Variants in UBASH3B observed in about 807,000 individuals in gnomAD.
The protein encoded by UBASH3B is ubiquitin associated and SH3 domain containing B, also known as ubiquitin-associated and SH3 domain-containing protein B.
A neutral mutation model predicts 83.4 loss-of-function variants in UBASH3B; 37 were observed. That is an observed-to-expected ratio of 0.44 (90% confidence interval 0.34 to 0.58). The LOEUF (loss-of-function observed/expected upper bound fraction) is 0.58. Ranked by LOEUF, UBASH3B falls within the 20% of genes least tolerant of loss-of-function variation. The pLI is 0.01. For missense variants in UBASH3B, 657 were observed against 827.2 expected, an observed-to-expected ratio of 0.79 and a Z score of 2.52; for synonymous variants, 304 against 318.3, an observed-to-expected ratio of 0.96 and a Z score of 0.48.
At chr11:122,731,993 G>A (rs1264020218) in intron 1 of UBASH3B, among the ~76,000 whole-genome samples, 4 of 133,058 alleles carry the variant, frequency 3.0e-5, no homozygotes, top group South Asian at 2.5e-4. Flanking sequence ...CTCCCACCCC[G>A]ACGACACACA....
At chr11:122,744,569 GGTGTGTGACT>G (rs573099912) in intron 1 of UBASH3B, among the ~76,000 whole-genome samples, 150 of 151,958 alleles carry the variant, frequency 9.9e-4, no homozygotes, top group African/African-American at 3.2e-3. Context: ...TGCCTGTGTG[GGTGTGTGACT>G]GTGTGTGACT....
chr11:122,805,888 C>A (rs1861332480), intron 11 of UBASH3B, among the ~76,000 whole-genome samples: 1 of 152,332 alleles, frequency 6.6e-6, no homozygotes, highest in East Asian at 1.9e-4. Context: ...CATCTTTATG[C>A]TTTGCACTTC....
rs1861437982 is a variant in UBASH3B, at chr11:122,811,038, A to C, written c.*1152A>C. 6.6e-6 allele frequency: 1 copy of C among 152,504 alleles called. No individual in the cohort carries two copies. Among genetic ancestry groups the C allele is most frequent in the African/African-American group, 2.4e-5 (1 of 41,434 alleles). The allele number at this position is 152,504 out of a possible 1,614,324, so 9.4% of individuals were successfully genotyped here. A position where few individuals can be genotyped will look rare whatever the true frequency, so the allele number is the denominator to read the frequency against. On this transcript the variant is annotated 3_prime_UTR_variant, in exon 14 of 14. Coordinates refer to ENST00000284273, the MANE Select transcript of UBASH3B (RefSeq NM_032873.5). ...CTGTCGTTTTGTTTGTTTTTCTATG[A>C]TAATTTAAAATACATAGGTAGGGCT...
intron 1 of UBASH3B, among the ~76,000 whole-genome samples, chr11:122,677,487 C>T (rs911068808): frequency 2.0e-5 from 3 of 152,132 alleles, no homozygotes; most frequent in Non-Finnish European, 4.4e-5. Context: ...TGATGCCGTG[C>T]CTCTGGTGGA....
intron 1 of UBASH3B, among the ~76,000 whole-genome samples, chr11:122,678,083 C>T (rs775111226): frequency 2.7e-4 from 41 of 152,232 alleles, no homozygotes; most frequent in Non-Finnish European, 5.3e-4. Flanking sequence ...GAGCCAAGGG[C>T]ACTAATCTCA....
chr11:122,801,727 C>T (rs1194451225), intron 11 of UBASH3B, among the ~76,000 whole-genome samples: 1 of 152,154 alleles, frequency 6.6e-6, no homozygotes, highest in Non-Finnish European at 1.5e-5. Context: ...ATTTTTAAAT[C>T]TCTGTATTAT....
At chr11:122,803,375 C>G (rs982610012) in intron 11 of UBASH3B, among the ~76,000 whole-genome samples, 1 of 152,074 alleles carries the variant, frequency 6.6e-6, no homozygotes, top group Non-Finnish European at 1.5e-5. Flanking sequence ...CCCTGAGAGC[C>G]GGGGTAGTGT....
At chr11:122,725,064 G>A (rs868231725) in intron 1 of UBASH3B, among the ~76,000 whole-genome samples, 1 of 9,822 alleles carries the variant, frequency 1.0e-4, no homozygotes, top group Non-Finnish European at 2.2e-4. Flanking sequence ...CCCACCCCCC[G>A]ATTCAATCAA....
Position 122,798,923 on chromosome 11 carries a change from T to G in UBASH3B, c.1358-19T>G, listed in dbSNP as rs1309223561. 22 of 1,611,688 alleles carry G rather than the reference T, an allele frequency of 1.4e-5. 1 individual carries two copies. Among genetic ancestry groups the G allele is most frequent in the African/African-American group, 1.3e-4 (10 of 74,948 alleles). Reference sequence around the variant, plus strand: ...TGAGTAAATCCATCAGACTGATTTTTTTGTGGTTTTCTTTGCAGGTGAAGC... The same window carrying G: ...TGAGTAAATCCATCAGACTGATTTTGTTGTGGTTTTCTTTGCAGGTGAAGC... On this transcript the variant is annotated intron_variant, in intron 9 of 13. Transcript: ENST00000284273.
At chr11:122,728,874 G>C (rs1162890361) in intron 1 of UBASH3B, among the ~76,000 whole-genome samples, 1 of 152,192 alleles carries the variant, frequency 6.6e-6, no homozygotes, top group Non-Finnish European at 1.5e-5. Context: ...CAGAGCTAGA[G>C]GGTCTTAGGG....
In UBASH3B at chr11:122,777,307, GC is replaced by G. The variant is rs918603428; in HGVS notation, c.402+98del. 5 of 1,329,976 alleles carry G rather than the reference GC, an allele frequency of 3.8e-6. No homozygotes were observed. In the African/African-American group the frequency reaches 7.4e-5, roughly 20 times the overall value. The allele number at this position is 1,329,976 out of a possible 1,614,324, so 82.4% of individuals were successfully genotyped here. On this transcript the variant is annotated intron_variant, in intron 3 of 13. Coordinates refer to ENST00000284273, the MANE Select transcript of UBASH3B (RefSeq NM_032873.5). Reference sequence around the variant, plus strand: ...CAAAGGGAGGCCTCGCAGGAAGACAGCAGGAATAGTCACAGGCTCCTACAGC... The same window carrying G: ...CAAAGGGAGGCCTCGCAGGAAGACAGAGGAATAGTCACAGGCTCCTACAGC...
At chr11:122,680,711 C>A (rs1227494843) in intron 1 of UBASH3B, among the ~76,000 whole-genome samples, 1 of 152,220 alleles carries the variant, frequency 6.6e-6, no homozygotes, top group Admixed American at 6.5e-5. Flanking sequence ...GATCCACCCG[C>A]CTCAGCCTCC....
chr11:122,656,378 C>T (rs1863363628), intron 1 of UBASH3B, among the ~76,000 whole-genome samples, 168 bp downstream of exon 1: 1 of 152,100 alleles, frequency 6.6e-6, no homozygotes, highest in African/African-American at 2.4e-5. Context: ...GACTCGGCTC[C>T]GGGCGGGGGT....
chr11:122,671,149 T>C (rs943420554), intron 1 of UBASH3B, among the ~76,000 whole-genome samples: 1 of 152,160 alleles, frequency 6.6e-6, no homozygotes, highest in Non-Finnish European at 1.5e-5. Context: ...CTTAGGAGTG[T>C]GGCGCTCCTC....
At chr11:122,671,491 G>A (rs1863592544) in intron 1 of UBASH3B, among the ~76,000 whole-genome samples, 1 of 152,226 alleles carries the variant, frequency 6.6e-6, no homozygotes, top group Non-Finnish European at 1.5e-5. Context: ...CAGGTTGGAG[G>A]AGAATATTTG....
chr11:122,672,593 T>C (rs1863612419), intron 1 of UBASH3B, among the ~76,000 whole-genome samples: 3 of 152,174 alleles, frequency 2.0e-5, no homozygotes, highest in African/African-American at 7.2e-5. Context: ...CCCAAAGTGC[T>C]GGGATTACAG....
At position 122,758,177 on chromosome 11, in the gene UBASH3B, G is replaced by C. The variant is rs998787642; in HGVS notation, c.162-18042G>C. Reference sequence around the variant, plus strand: ...GAAGATGTGGCCGGGGGTGGGGCCGGTCTGGGGGGTATCGTAGTTGGGCCA... The same window carrying C: ...GAAGATGTGGCCGGGGGTGGGGCCGCTCTGGGGGGTATCGTAGTTGGGCCA... On this transcript the variant is annotated intron_variant, in intron 1 of 13. Transcript: ENST00000284273. This position sits in a 1 kb window ranked among gnomAD's most constrained non-coding sequence, Gnocchi z 4.2. 1.4e-4 allele frequency among the ~76,000 whole-genome samples: 22 copies of C among 152,276 alleles called. No homozygotes were observed. Among genetic ancestry groups the C allele is most frequent in the African/African-American group, 5.3e-4 (22 of 41,560 alleles).
rs141771768 is a variant in UBASH3B, at chr11:122,748,647, G to A, written c.162-27572G>A. Among the ~76,000 whole-genome samples the A allele has an allele frequency of 9.6e-4, 146 of 152,118 alleles. 1 individual carries two copies. The highest frequency in any genetic ancestry group is 6.6e-3 in the East Asian group (34 of 5,158). On this transcript the variant is annotated intron_variant, in intron 1 of 13. Coordinates refer to ENST00000284273, the MANE Select transcript of UBASH3B (RefSeq NM_032873.5). ...TCTTTGAATACCTCCATTTCCTCCC[G>A]TCCACAGAAGATTGTGAACCCAGAA...
At chr11:122,706,975 C>T (rs7942944) in intron 1 of UBASH3B, among the ~76,000 whole-genome samples, 112,013 of 152,066 alleles carry the variant, frequency 0.74, 41,950 homozygotes, top group East Asian at 0.95. Flanking sequence ...CAGTGGAAGA[C>T]TGGTAGATGA....
Sources: allele counts gnomAD v4.1 joint callset (sites outside exome capture counted in the v4.1 genomes callset), GRCh38; gene constraint gnomAD v4.1.1; non-coding constraint Gnocchi (gnomAD v3.1); transcripts MANE v1.5; gene names NCBI Gene and HGNC (gene_info 2026-07-23, HGNC 2026-07-21).